KCTD2: variants seen among roughly 807,000 people sequenced by gnomAD.
The protein encoded by KCTD2 is BTB/POZ domain-containing protein KCTD2.
KCTD2 carries 18 observed loss-of-function variants against 27.9 expected under a neutral mutation model. The ratio of observed to expected loss-of-function variants is 0.64; its 90% CI spans 0.45 to 0.96. KCTD2 has a LOEUF of 0.96. KCTD2 is among the 40% of genes least tolerant of loss of function. The pLI is 0.00. For missense variants in KCTD2, 280 were observed against 348.0 expected, an observed-to-expected ratio of 0.80 and a Z score of 1.56; for synonymous variants, 175 against 148.4, an observed-to-expected ratio of 1.18 and a Z score of -1.30.
At chr17:75,048,275 G>A (rs866880793) in intron 1 of KCTD2, among the ~76,000 whole-genome samples, 1 of 152,110 alleles carries the variant, frequency 6.6e-6, no homozygotes, top group Non-Finnish European at 1.5e-5. Flanking sequence ...CTAACCAAAG[G>A]GTTGAGAGGT....
intron 2 of KCTD2, among the ~76,000 whole-genome samples, chr17:75,034,831 G>A (rs2040098953): frequency 6.6e-6 from 1 of 152,136 alleles, no homozygotes; most frequent in Non-Finnish European, 1.5e-5. Context: ...TTCGGGCAAG[G>A]GCTGCTCGCT....
chr17:75,063,067 C>T lies in KCTD2; in HGVS notation c.*20C>T, dbSNP rs767510951. On this transcript the variant is annotated 3_prime_UTR_variant, in exon 6 of 6. Transcript: ENST00000322444. ...ATGTAAACTAAGACCCCGAAAACTC[C>T]AGACCTTCAGGAGAGCAGTCAGCAG... The T allele has an allele frequency of 1.5e-5, 24 of 1,612,862 alleles. No homozygotes were observed. The highest frequency in any genetic ancestry group is 2.0e-5 in the Non-Finnish European group (24 of 1,179,126).
chr17:75,059,446 C>A, intron 3 of KCTD2, 64 bp from the exon 4 acceptor site: 1 of 1,121,322 alleles, frequency 8.9e-7, no homozygotes, highest in East Asian at 2.5e-5. Context: ...GAAGAGCCTC[C>A]TTGGGGCAGC....
At chr17:75,039,078 A>C (rs566339336) in intron 3 of KCTD2, 9 of 1,613,704 alleles carry the variant, frequency 5.6e-6, no homozygotes, top group Admixed American at 1.7e-5. Context: ...AAAGAGGGGG[A>C]ATGTGTTTAG....
upstream of KCTD2, chr17:75,042,600 T>C (rs920243101): frequency 1.2e-6 from 2 of 1,613,108 alleles, no homozygotes; most frequent in Non-Finnish European, 8.5e-7. Flanking sequence ...GTATGATCTC[T>C]GCAAAAGCTA....
At chr17:75,053,977 A>G (rs1383238529) in intron 3 of KCTD2, among the ~76,000 whole-genome samples, 2 of 147,130 alleles carry the variant, frequency 1.4e-5, no homozygotes, top group East Asian at 2.0e-4. Context: ...CCATGCTTCT[A>G]AGAACATAAT....
At chr17:75,042,890 G>C (rs60368551), upstream of KCTD2, among the ~76,000 whole-genome samples, 11,526 of 151,662 alleles carry the variant, frequency 0.076, 785 homozygotes, top group African/African-American at 0.18. Context: ...CAAAAAAAAA[G>C]AAAAAAAGAC....
Position 75,047,337 on chromosome 17 carries a change from C to T in KCTD2, c.87C>T (p.Arg29=), listed in dbSNP as rs558857000. Residue 29 remains arginine (R), a synonymous_variant, in exon 1 of 6, where the codon CGC becomes CGT. Transcript: ENST00000322444. Reference sequence around the variant, plus strand: ...TGGGCGACGGGGGTGGCCCAGTCCGCGGGCCCCCCAGCCCACGCCCGGCTG... The same window carrying T: ...TGGGCGACGGGGGTGGCCCAGTCCGTGGGCCCCCCAGCCCACGCCCGGCTG... The part of the protein sequence containing the change: ...SGVGDGGGPV[R]GPPSPRPAGP... 8.9e-5 allele frequency: 103 copies of T among 1,151,266 alleles called. No homozygotes were observed. The Middle Eastern group carries it at 2.6e-3, about 29-fold the overall frequency. 71.3% of individuals were successfully genotyped at this position (1,151,266 alleles called of 1,614,324 possible).
chr17:75,037,513 T>C (rs79812953), intron 3 of KCTD2, among the ~76,000 whole-genome samples: 1,966 of 152,318 alleles, frequency 0.013, 14 homozygotes, highest in Non-Finnish European at 0.018. Context: ...AATCCTGATA[T>C]TTGTAAATGA....
At chr17:75,043,027 GCATGGCCAA>G (rs1332272107), upstream of KCTD2, among the ~76,000 whole-genome samples, 1 of 152,138 alleles carries the variant, frequency 6.6e-6, no homozygotes, top group Non-Finnish European at 1.5e-5. Context: ...TTCGAGACCA[GCATGGCCAA>G]CATGGCAAAA....
chr17:75,062,206 T>C lies in KCTD2; in HGVS notation c.723T>C (p.Ser241=), dbSNP rs750242757. 5.0e-6 allele frequency: 8 copies of C among 1,613,874 alleles called. No homozygotes were observed. The South Asian group carries it at 6.6e-5, about 13-fold the overall frequency. ...TTGTCTCCAGAGAACTAAATAATTC[T>C]ACCAATGGCATCGTCATAGAGCCGA... is the stretch of plus-strand genomic sequence containing the variant. The part of the protein sequence containing the change: ...LCVVSRELNN[S]TNGIVIEPSE... Residue 241 remains serine (S), a synonymous_variant, in exon 5 of 6, where the codon TCT becomes TCC. Transcript: ENST00000322444.
At chr17:75,061,833 G>C (rs1043364502) in intron 4 of KCTD2, among the ~76,000 whole-genome samples, 3 of 152,028 alleles carry the variant, frequency 2.0e-5, no homozygotes, top group African/African-American at 7.3e-5. Flanking sequence ...TGTGCTCGAC[G>C]GGGCGTGGGC....
chr17:75,065,815 T>C lies in KCTD2; in HGVS notation c.*2768T>C, dbSNP rs191655202. The C allele has an allele frequency of 6.6e-6, 1 of 152,316 alleles. No homozygotes were observed. The highest frequency in any genetic ancestry group is 1.9e-4 in the East Asian group (1 of 5,182). 9.4% of individuals were successfully genotyped at this position (152,316 alleles called of 1,614,324 possible). A position where few individuals can be genotyped will look rare whatever the true frequency, so the allele number is the denominator to read the frequency against. ...CTGGTGGGCACCCTCTGTTCCTGTT[T>C]GTGTGTTTGAATAGTCTGAAATGCT... On this transcript the variant is annotated 3_prime_UTR_variant, in exon 6 of 6. Transcript: ENST00000322444.
intron 3 of KCTD2, among the ~76,000 whole-genome samples, chr17:75,057,947 C>A (rs1047522911): frequency 6.6e-6 from 1 of 151,994 alleles, no homozygotes; most frequent in East Asian, 1.9e-4. Context: ...GTAATCCCAG[C>A]ACTTTGGGAG....
At chr17:75,042,488 T>G (rs755628833), upstream of KCTD2, 2 of 1,595,654 alleles carry the variant, frequency 1.3e-6, no homozygotes, top group Admixed American at 3.7e-5. Flanking sequence ...GTTTCTAGAT[T>G]CAGTGGCAAG....
intron 1 of KCTD2, 72 bp downstream of exon 1, chr17:75,047,661 C>G (rs928421494): frequency 6.1e-6 from 9 of 1,473,306 alleles, no homozygotes; most frequent in Admixed American, 4.2e-5. Context: ...TCCCCAGAGT[C>G]CTGAGACACG....
chr17:75,033,097 G>A (rs992733959), intron 1 of KCTD2: 1 of 152,138 alleles, frequency 6.6e-6, no homozygotes, highest in Non-Finnish European at 1.5e-5. Context: ...AAATCCTTCG[G>A]ATGTGAGTAG....
chr17:75,034,959 C>T (rs1047307998), intron 2 of KCTD2, among the ~76,000 whole-genome samples: 3 of 152,116 alleles, frequency 2.0e-5, no homozygotes, highest in Non-Finnish European at 2.9e-5. Flanking sequence ...CCAGGTGCCG[C>T]TCCGCTCGGG....
chr17:75,052,184 T>C (rs983051839), intron 2 of KCTD2, among the ~76,000 whole-genome samples: 1 of 152,184 alleles, frequency 6.6e-6, no homozygotes, highest in African/African-American at 2.4e-5. Flanking sequence ...GAGCAGAACA[T>C]ACCCTGGCGT....
Sources: allele counts gnomAD v4.1 joint callset (sites outside exome capture counted in the v4.1 genomes callset), GRCh38; gene constraint gnomAD v4.1.1; transcripts MANE v1.5; gene names NCBI Gene and HGNC (gene_info 2026-07-23, HGNC 2026-07-21).